TOGARAM1: variants seen among roughly 807,000 people sequenced by gnomAD.
TOGARAM1 encodes TOG array regulator of axonemal microtubules 1.
In TOGARAM1, 100 loss-of-function variants were observed where a neutral mutation model predicts 166.6. That is an observed-to-expected ratio of 0.60 (90% CI 0.51 to 0.71). The LOEUF (loss-of-function observed/expected upper bound fraction) is 0.71, where lower values mean the gene tolerates loss of function less well. Ranked by LOEUF, TOGARAM1 falls within the 30% of genes least tolerant of loss-of-function variation. The pLI, the probability that TOGARAM1 is intolerant of heterozygous loss-of-function variation, is 0.00. For missense variants in TOGARAM1, 2,029 were observed against 2,102.7 expected (o/e 0.96, Z 0.69); for synonymous variants, 758 against 763.8 (o/e 0.99, Z 0.13).
At chr14:45,030,570 T>C (rs1345885823) in intron 10 of TOGARAM1, among the ~76,000 whole-genome samples, 1 of 152,116 alleles carries the variant, frequency 6.6e-6, no homozygotes, top group Non-Finnish European at 1.5e-5. Flanking sequence ...ATGTTAGTCT[T>C]AGATATGAAG....
intron 16 of TOGARAM1, among the ~76,000 whole-genome samples, chr14:45,056,998 C>G (rs907643985): frequency 6.6e-6 from 1 of 151,926 alleles, no homozygotes; most frequent in East Asian, 1.9e-4. Context: ...TGGTAGAATT[C>G]GACTGTGAAC....
chr14:45,024,006 G>A (rs1287444203), intron 7 of TOGARAM1, among the ~76,000 whole-genome samples: 1 of 152,194 alleles, frequency 6.6e-6, no homozygotes, highest in Non-Finnish European at 1.5e-5. Flanking sequence ...CCCACAAAGT[G>A]CTGGGATTAC....
chr14:45,006,375 T>G, intron 5 of TOGARAM1, 108 bp downstream of exon 5: 1 of 768,668 alleles, frequency 1.3e-6, no homozygotes. Context: ...ATCTTATTTC[T>G]AAAAATATGT....
intron 16 of TOGARAM1, among the ~76,000 whole-genome samples, chr14:45,059,522 GC>G (rs1248213736): frequency 6.6e-6 from 1 of 152,002 alleles, no homozygotes; most frequent in Non-Finnish European, 1.5e-5. Context: ...GATGGCGCAC[GC>G]CTGTAATCCC....
chr14:44,973,623 T>C (rs531617869), intron 1 of TOGARAM1, among the ~76,000 whole-genome samples: 3 of 151,704 alleles, frequency 2.0e-5, no homozygotes, highest in South Asian at 2.1e-4. Context: ...TATATCTCTC[T>C]CCAGGTTTTT....
chr14:44,993,805 AC>A (rs1345132055), intron 1 of TOGARAM1, among the ~76,000 whole-genome samples: 10 of 152,170 alleles, frequency 6.6e-5, no homozygotes, highest in Non-Finnish European at 1.3e-4. Context: ...ACCCTCATCA[AC>A]ATTACCACCT....
At chr14:44,964,967 A>G (rs1468483682) in intron 1 of TOGARAM1, among the ~76,000 whole-genome samples, 1 of 150,352 alleles carries the variant, frequency 6.7e-6, no homozygotes, top group Non-Finnish European at 1.5e-5. Flanking sequence ...AAAAAAAAAA[A>G]AAAAAAGGAA....
chr14:44,973,509 G>T (rs1273427250), intron 1 of TOGARAM1, among the ~76,000 whole-genome samples: 1 of 150,562 alleles, frequency 6.6e-6, no homozygotes, highest in African/African-American at 2.4e-5. Context: ...ATGATTTTCT[G>T]TTAGATCTGT....
At chr14:45,022,379 A>G (rs1490190321) in intron 7 of TOGARAM1, among the ~76,000 whole-genome samples, 1 of 149,068 alleles carries the variant, frequency 6.7e-6, no homozygotes, top group Non-Finnish European at 1.5e-5. Context: ...CTCCTAGGTA[A>G]TGGCCTGTTC....
At chr14:45,039,898 C>T (rs1322565369) in intron 11 of TOGARAM1, among the ~76,000 whole-genome samples, 2 of 152,178 alleles carry the variant, frequency 1.3e-5, no homozygotes, top group Non-Finnish European at 2.9e-5. Context: ...CACACAGTCC[C>T]AGCGCACTTC....
intron 7 of TOGARAM1, 117 bp from the exon 8 acceptor site, chr14:45,025,666 A>G (rs1040901811): frequency 6.8e-6 from 4 of 583,992 alleles, no homozygotes; most frequent in Non-Finnish European, 1.2e-5. Flanking sequence ...AATAAATTGT[A>G]AATTCTTTGT....
chr14:44,996,468 G>A (rs1420219282), intron 2 of TOGARAM1: 1 of 152,088 alleles, frequency 6.6e-6, no homozygotes, highest in Non-Finnish European at 1.5e-5. Context: ...GGGAAAATAA[G>A]TAGAAAATTA....
chr14:44,982,834 A>G (rs4141578), intron 1 of TOGARAM1, among the ~76,000 whole-genome samples: 6,069 of 152,254 alleles, frequency 0.04, 210 homozygotes, highest in East Asian at 0.12. Context: ...CTTCTCAATG[A>G]TGGTAAACAG....
Position 44,963,078 on chromosome 14 carries a change from A to G in TOGARAM1, c.657A>G (p.Ile219Met). 3.7e-6 allele frequency: 6 copies of G among 1,614,212 alleles called. No individual in the cohort carries two copies. The highest frequency in any genetic ancestry group is 4.2e-6 in the Non-Finnish European group (5 of 1,180,034). Reference sequence around the variant, plus strand: ...CTGGAGAGGTGCTGAGAACGCTTATACAACAAGGACTGGAAAGTACCGATG... The same window carrying G: ...CTGGAGAGGTGCTGAGAACGCTTATGCAACAAGGACTGGAAAGTACCGATG... ...RSPGEVLRTLIQQGLESTDAR... is the reference protein window; with the variant it reads ...RSPGEVLRTLMQQGLESTDAR... The change falls in exon 1 of 20, where the codon ATA becomes ATG. Residue 219 changes from isoleucine (I) to methionine (M), a missense_variant. Transcript: ENST00000361462.
intron 6 of TOGARAM1, among the ~76,000 whole-genome samples, chr14:45,010,257 C>A (rs941193191): frequency 6.6e-6 from 1 of 152,068 alleles, no homozygotes; most frequent in South Asian, 2.1e-4. Flanking sequence ...TTGTTTCAGC[C>A]CCTTATTTTT....
At chr14:44,995,431 G>A (rs927387531) in intron 1 of TOGARAM1, 1 of 461,626 alleles carries the variant, frequency 2.2e-6, no homozygotes, top group Non-Finnish European at 4.3e-6. Context: ...GAGGGGTTAC[G>A]CTGCTCCGTC....
chr14:44,983,198 A>C (rs533539349), intron 1 of TOGARAM1, among the ~76,000 whole-genome samples: 1 of 152,178 alleles, frequency 6.6e-6, no homozygotes, highest in African/African-American at 2.4e-5. Context: ...AGGAAAGGAG[A>C]TATGTTCCTA....
chr14:45,002,783 C>T (rs1887746315), intron 3 of TOGARAM1, among the ~76,000 whole-genome samples: 1 of 152,124 alleles, frequency 6.6e-6, no homozygotes. Context: ...TGAGACCATC[C>T]TGGCTAACAC....
At chr14:44,985,558 A>G (rs1389657770) in intron 1 of TOGARAM1, among the ~76,000 whole-genome samples, 1 of 152,190 alleles carries the variant, frequency 6.6e-6, no homozygotes, top group East Asian at 1.9e-4. Context: ...TGCAGTTCAC[A>G]ATAGGGTTTG....
Sources: gnomAD v4.1 joint callset for allele counts (sites outside exome capture counted in the v4.1 genomes callset) on GRCh38, gnomAD v4.1.1 for gene constraint, MANE v1.5 for transcripts, NCBI Gene and HGNC (gene_info 2026-07-23, HGNC 2026-07-21) for gene names.